Variants in ADGRL4 observed in about 807,000 individuals in gnomAD.
ADGRL4 encodes adhesion G protein-coupled receptor L4, also known as EGF, latrophilin and seven transmembrane domain containing 1.
A neutral mutation model predicts 74.8 loss-of-function variants in ADGRL4; 90 were observed. The observed-to-expected ratio is 1.20, with a 90% CI of 1.02 to 1.43. ADGRL4 has a LOEUF of 1.43. Ranked by LOEUF, ADGRL4 falls within the 40% of genes most tolerant of loss-of-function variation. ADGRL4 has a pLI of 0.00. For missense variants in ADGRL4, 881 were observed against 814.3 expected, an observed-to-expected ratio of 1.08 and a Z score of -1.00; for synonymous variants, 311 against 279.2, an observed-to-expected ratio of 1.11 and a Z score of -1.14.
intron 2 of ADGRL4, among the ~76,000 whole-genome samples, chr1:78,978,044 C>A (rs924200498): frequency 6.6e-6 from 1 of 151,810 alleles, no homozygotes; most frequent in Non-Finnish European, 1.5e-5. Flanking sequence ...ACAGGCATTC[C>A]CCACTCTGCT....
In ADGRL4 at chr1:78,917,940, G is replaced by A; in HGVS notation, c.1572C>T (p.Tyr524=). The change falls in exon 11 of 15, where the codon TAC becomes TAT. Residue 524 remains tyrosine (Y), a synonymous_variant. Transcript: ENST00000370742. ...AATTCTTGTGCAAAAATCCCTTGTT[G>A]TAGATGACACCCACAACAATGAGAT... ...HLYLIVVGVI[Y]NKGFLHKNFY... 1 of 1,612,472 alleles carries A rather than the reference G, an allele frequency of 6.2e-7. No individual in the cohort carries two copies. Among genetic ancestry groups the A allele is most frequent in the Non-Finnish European group, 8.5e-7 (1 of 1,179,080 alleles).
chr1:78,994,163 C>T (rs1650669583), intron 2 of ADGRL4, among the ~76,000 whole-genome samples: 1 of 152,054 alleles, frequency 6.6e-6, no homozygotes, highest in Non-Finnish European at 1.5e-5. Context: ...AGTAGGAAAA[C>T]AAAGATATTA....
In ADGRL4 at chr1:78,946,305, C is replaced by T; in HGVS notation, c.294G>A (p.Arg98=). The part of the protein sequence containing the change: ...PGFRSSSNQD[R]FITNDGTVCI... ...AGACGGTTCCATCATTAGTGATAAA[C>T]CTGTCTTGGTTACTGCTGGATCTGA... is the stretch of plus-strand genomic sequence containing the variant. Residue 98 remains arginine, a synonymous_variant, in exon 3 of 15, where the codon AGG becomes AGA. Coordinates refer to ENST00000370742, the MANE Select transcript of ADGRL4 (RefSeq NM_022159.4). 3.7e-6 allele frequency: 6 copies of T among 1,612,784 alleles called. No individual in the cohort carries two copies. The highest frequency in any genetic ancestry group is 5.1e-6 in the Non-Finnish European group (6 of 1,179,358).
In ADGRL4 at chr1:78,890,469, T is replaced by C. The variant is rs1289481174; in HGVS notation, c.*685A>G. ...TTAGAAACAGATTTTTTTCACTTTT[T>C]TTTTTTCAATTTGTGGAGGTAAACC... On this transcript the variant is annotated 3_prime_UTR_variant, in exon 15 of 15. Coordinates refer to ENST00000370742, the MANE Select transcript of ADGRL4 (RefSeq NM_022159.4). 1 of 152,006 alleles carries C rather than the reference T, an allele frequency of 6.6e-6. No homozygotes were observed. Among genetic ancestry groups the C allele is most frequent in the Non-Finnish European group, 1.5e-5 (1 of 67,978 alleles). The allele number at this position is 152,006 out of a possible 1,614,324, so 9.4% of individuals were successfully genotyped here.
At chr1:78,997,144 T>TA (rs1166716984) in intron 2 of ADGRL4, among the ~76,000 whole-genome samples, 3 of 150,316 alleles carry the variant, frequency 2.0e-5, no homozygotes, top group Non-Finnish European at 4.4e-5. Flanking sequence ...AGGAGGAATA[T>TA]AAAAAAAGGT....
At chr1:78,993,571 CA>C (rs113254314) in intron 2 of ADGRL4, among the ~76,000 whole-genome samples, 39,304 of 114,538 alleles carry the variant, frequency 0.34, 5,159 homozygotes, top group East Asian at 0.43. Context: ...GCAAAAATTC[CA>C]TTTTTTTTTT....
At chr1:78,937,238 G>C (rs1374698526) in intron 6 of ADGRL4, among the ~76,000 whole-genome samples, 1 of 152,074 alleles carries the variant, frequency 6.6e-6, no homozygotes, top group East Asian at 1.9e-4. Flanking sequence ...TGAGGCCAGG[G>C]GTTCGAGACC....
intron 4 of ADGRL4, 129 bp downstream of exon 4, chr1:78,939,059 T>C: frequency 8.4e-7 from 1 of 1,195,412 alleles, no homozygotes; most frequent in African/African-American, 1.6e-5. Flanking sequence ...TAGATCTCTA[T>C]ATGTAAACGT....
At chr1:78,933,225 T>C (rs1343262801) in intron 7 of ADGRL4, among the ~76,000 whole-genome samples, 4 of 151,312 alleles carry the variant, frequency 2.6e-5, no homozygotes, top group Admixed American at 6.6e-5. Flanking sequence ...AAAAAACATA[T>C]CCACCACAAT....
intron 13 of ADGRL4, among the ~76,000 whole-genome samples, chr1:78,892,531 A>C (rs1648303017): frequency 6.6e-6 from 1 of 152,132 alleles, no homozygotes. Flanking sequence ...ATGAAACCAT[A>C]ACTGGTGAGG....
intron 8 of ADGRL4, among the ~76,000 whole-genome samples, chr1:78,924,539 T>G (rs1343821004): frequency 1.3e-5 from 2 of 152,026 alleles, no homozygotes; most frequent in African/African-American, 4.8e-5. Flanking sequence ...GTAGATCATC[T>G]AGACAGCATC....
chr1:78,924,398 C>T (rs546709168), intron 8 of ADGRL4, among the ~76,000 whole-genome samples: 1 of 151,994 alleles, frequency 6.6e-6, no homozygotes, highest in Admixed American at 6.6e-5. Flanking sequence ...CATATATAAA[C>T]TAAGAAAGAG....
chr1:79,000,767 G>T (rs1650824414), intron 2 of ADGRL4, among the ~76,000 whole-genome samples: 1 of 152,044 alleles, frequency 6.6e-6, no homozygotes. Flanking sequence ...TAAACCCTGG[G>T]TTAATTTAGA....
chr1:78,920,083 C>T (rs1177388186), intron 10 of ADGRL4, 100 bp downstream of exon 10: 8 of 847,472 alleles, frequency 9.4e-6, no homozygotes, highest in Non-Finnish European at 1.4e-5. Flanking sequence ...GAACGTCTGC[C>T]CCATTAAACC....
intron 3 of ADGRL4, among the ~76,000 whole-genome samples, chr1:78,945,626 A>G (rs1447407710): frequency 1.3e-5 from 2 of 152,130 alleles, no homozygotes; most frequent in Admixed American, 1.3e-4. Context: ...ATAGAAGGAT[A>G]TTTTTAAAAA....
intron 2 of ADGRL4, among the ~76,000 whole-genome samples, chr1:78,961,393 G>A (rs1001950729): frequency 5.9e-5 from 9 of 151,996 alleles, no homozygotes; most frequent in African/African-American, 2.2e-4. Context: ...CGCCCACCTC[G>A]ACCTCCCAAA....
chr1:78,897,580 C>T (rs1648424381), intron 12 of ADGRL4, among the ~76,000 whole-genome samples: 1 of 152,110 alleles, frequency 6.6e-6, no homozygotes, highest in African/African-American at 2.4e-5. Flanking sequence ...ACACCTATCA[C>T]AGTAGTCCTG....
chr1:78,987,234 T>C (rs2100731290), intron 2 of ADGRL4, among the ~76,000 whole-genome samples: 1 of 151,900 alleles, frequency 6.6e-6, no homozygotes, highest in South Asian at 2.1e-4. Context: ...ATACTATTTA[T>C]TGAATGACTC....
intron 14 of ADGRL4, 118 bp from the exon 15 acceptor site, chr1:78,891,334 T>C (rs1221214492): frequency 2.4e-6 from 3 of 1,270,386 alleles, no homozygotes; most frequent in African/African-American, 1.5e-5. Context: ...GCTCAGAATA[T>C]GTCCATTTAA....
Sources: allele counts gnomAD v4.1 joint callset (sites outside exome capture counted in the v4.1 genomes callset), GRCh38; gene constraint gnomAD v4.1.1; transcripts MANE v1.5; gene names NCBI Gene and HGNC (gene_info 2026-07-23, HGNC 2026-07-21).